The following SUCLA2 variants were observed in gnomAD, a reference collection of about 807,000 sequenced individuals.
SUCLA2 encodes succinate-CoA ligase ADP-forming subunit beta.
Under a neutral mutation model 54.8 loss-of-function variants are expected in SUCLA2, and 30 were observed. That is an observed-to-expected ratio of 0.55 (90% CI 0.41 to 0.74). The LOEUF is 0.74. Ranked by LOEUF, SUCLA2 falls within the 30% of genes least tolerant of loss-of-function variation. SUCLA2 has a pLI of 0.00. For missense variants in SUCLA2, 476 were observed against 562.9 expected (o/e 0.85, Z 1.56); for synonymous variants, 172 against 188.9 (o/e 0.91, Z 0.74).
At chr13:47,977,299 C>A (rs1193631070) in intron 4 of SUCLA2, among the ~76,000 whole-genome samples, 1 of 152,124 alleles carries the variant, frequency 6.6e-6, no homozygotes, top group Admixed American at 6.6e-5. Context: ...TCAAAAACTT[C>A]TAAGCAACAG....
At chr13:47,987,583 G>A (rs1593499797) in intron 4 of SUCLA2, 1 of 151,944 alleles carries the variant, frequency 6.6e-6, no homozygotes, top group Non-Finnish European at 1.5e-5. Context: ...ACCATCTAGT[G>A]TTATATCTTT....
chr13:47,960,364 T>G (rs796638471), intron 6 of SUCLA2, among the ~76,000 whole-genome samples: 1 of 152,150 alleles, frequency 6.6e-6, no homozygotes, highest in African/African-American at 2.4e-5. Context: ...TTGGTGGATT[T>G]TGCTTACCTC....
In SUCLA2 at chr13:47,974,364, C is replaced by T. The variant is rs938348091; in HGVS notation, c.535-972G>A. On this transcript the variant is annotated intron_variant, in intron 4 of 10. Transcript: ENST00000646932. ...ACTTCGGGACGCCAAGGCAGAAGGA[C>T]TACTTGAGTTCAGGAGTCAAGACCA... is the stretch of plus-strand genomic sequence containing the variant. Among the ~76,000 whole-genome samples the T allele has an allele frequency of 2.6e-5, 4 of 152,232 alleles. No homozygotes were observed. In the East Asian group the frequency reaches 5.8e-4, roughly 22 times the overall value.
intron 1 of SUCLA2, among the ~76,000 whole-genome samples, chr13:48,000,545 G>T (rs764064451): frequency 5.3e-5 from 8 of 152,124 alleles, no homozygotes; most frequent in Non-Finnish European, 7.4e-5. Flanking sequence ...TCAAAACAAG[G>T]CCAGTAACTA....
intron 1 of SUCLA2, chr13:48,000,905 A>C (rs1593508416): frequency 1.5e-6 from 2 of 1,347,278 alleles, no homozygotes; most frequent in Non-Finnish European, 1.9e-6. Context: ...CTCAGAGCCC[A>C]CCTGCTCCCG....
In SUCLA2 at chr13:48,001,192, C is replaced by T. The variant is rs1174121047; in HGVS notation, c.78G>A (p.Arg26=). 23 of 1,609,564 alleles carry T rather than the reference C, an allele frequency of 1.4e-5. No individual in the cohort carries two copies. The highest frequency in any genetic ancestry group is 1.9e-5 in the Non-Finnish European group (22 of 1,178,690). Reference sequence around the variant, plus strand: ...TGGAAGGCATTACCTGAGCAGCAGCCCGCTGGGCCGTCCGAGGCCGGTGGT... The same window carrying T: ...TGGAAGGCATTACCTGAGCAGCAGCTCGCTGGGCCGTCCGAGGCCGGTGGT... ...LRNHRPRTAQ[R]AAAQVLGSSG... The change falls in exon 1 of 11, where the codon CGG becomes CGA. Residue 26 remains arginine (R), a synonymous_variant. Transcript: ENST00000646932.
chr13:47,996,815 G>T lies in SUCLA2; in HGVS notation c.271+28C>A. ...ATCTTCTCAGAGCTCTCATGTCAAG[G>T]TGGCAAAAGCTTTTCTTAATTTAGT... On this transcript the variant is annotated intron_variant, in intron 2 of 10. Coordinates refer to ENST00000646932, the MANE Select transcript of SUCLA2 (RefSeq NM_003850.3). The T allele has an allele frequency of 1.9e-6, 3 of 1,610,616 alleles. 1 individual carries two copies. Among genetic ancestry groups the T allele is most frequent in the Non-Finnish European group, 2.5e-6 (3 of 1,178,950 alleles).
intron 2 of SUCLA2, chr13:47,991,532 A>G (rs1950148814): frequency 6.6e-6 from 1 of 152,238 alleles, no homozygotes. Flanking sequence ...CATAGAATTC[A>G]TCATCTTCGT....
At chr13:47,996,750 A>G in intron 2 of SUCLA2, 93 bp downstream of exon 2, 1 of 1,211,628 alleles carries the variant, frequency 8.3e-7, no homozygotes, top group Non-Finnish European at 1.2e-6. Flanking sequence ...TTTTTTAAAA[A>G]AAAGCTAAAA....
At chr13:47,975,478 A>T (rs1950004517) in intron 4 of SUCLA2, among the ~76,000 whole-genome samples, 1 of 152,162 alleles carries the variant, frequency 6.6e-6, no homozygotes, top group East Asian at 1.9e-4. Context: ...CCTAGCACTT[A>T]GTGTTTTAGT....
intron 4 of SUCLA2, chr13:47,988,230 A>G (rs939637070): frequency 1.7e-5 from 7 of 411,306 alleles, no homozygotes; most frequent in Admixed American, 8.3e-5. Flanking sequence ...TATGCTAGAT[A>G]TAATTTTCTC....
At chr13:47,950,705 A>G (rs963327114) in intron 8 of SUCLA2, among the ~76,000 whole-genome samples, 1 of 152,176 alleles carries the variant, frequency 6.6e-6, no homozygotes, top group Non-Finnish European at 1.5e-5. Context: ...AGGGCTTCTC[A>G]AACAATGAGA....
chr13:47,992,230 C>T (rs1384806251), intron 2 of SUCLA2, among the ~76,000 whole-genome samples: 3 of 152,090 alleles, frequency 2.0e-5, no homozygotes, highest in South Asian at 2.1e-4. Context: ...TTAAGAGTAA[C>T]GAAGCTCTAT....
At chr13:47,945,316 A>C (rs1949720661) in intron 10 of SUCLA2, among the ~76,000 whole-genome samples, 2 of 149,204 alleles carry the variant, frequency 1.3e-5, no homozygotes, top group Non-Finnish European at 3.0e-5. Context: ...TCAGCTACTC[A>C]GAAGGCTGAG....
At position 47,949,611 on chromosome 13, in the gene SUCLA2, T is replaced by A. The variant is rs1949760768; in HGVS notation, c.1108-8A>T. 6.2e-7 allele frequency: 1 copy of A among 1,612,920 alleles called. No individual in the cohort carries two copies. The highest frequency in any genetic ancestry group is 1.7e-5 in the Admixed American group (1 of 59,936). On this transcript the variant is annotated splice_region_variant and splice_polypyrimidine_tract_variant and intron_variant, in intron 8 of 10. Transcript: ENST00000646932. ...GACCAGAATAGCCAGTACCTATGAA[T>A]AAAGTGTTCTGATAGATTAAAATTT... is the stretch of plus-strand genomic sequence containing the variant.
chr13:48,001,047 G>A (rs1950226944), intron 1 of SUCLA2, 133 bp downstream of exon 1: 2 of 1,500,944 alleles, frequency 1.3e-6, no homozygotes, highest in African/African-American at 1.4e-5. Context: ...CAGGCAAGTC[G>A]CCCGAGGGCC....
At chr13:47,948,750 TTGCAACAGTCCCTC>T (rs1433998266) in intron 10 of SUCLA2, among the ~76,000 whole-genome samples, 176 bp downstream of exon 10, 1 of 152,206 alleles carries the variant, frequency 6.6e-6, no homozygotes, top group African/African-American at 2.4e-5. Flanking sequence ...TCTATGCTTA[TTGCAACAGTCCCTC>T]TGAATAAAGT....
At chr13:47,986,154 C>A (rs1275296645) in intron 4 of SUCLA2, among the ~76,000 whole-genome samples, 1 of 151,852 alleles carries the variant, frequency 6.6e-6, no homozygotes, top group East Asian at 1.9e-4. Context: ...CCTCAGCCTC[C>A]CAAGTAGCTG....
At chr13:47,976,061 A>T (rs1301826123) in intron 4 of SUCLA2, among the ~76,000 whole-genome samples, 1 of 152,194 alleles carries the variant, frequency 6.6e-6, no homozygotes, top group Non-Finnish European at 1.5e-5. Flanking sequence ...AGCCTGGGCA[A>T]CATAGTGAGA....
Sources: allele counts gnomAD v4.1 joint callset (sites outside exome capture counted in the v4.1 genomes callset), GRCh38; gene constraint gnomAD v4.1.1; transcripts MANE v1.5; gene names NCBI Gene and HGNC (gene_info 2026-07-23, HGNC 2026-07-21).